Variants in PDE10A observed in about 807,000 individuals in gnomAD.
PDE10A encodes cAMP and cAMP-inhibited cGMP 3',5'-cyclic phosphodiesterase 10A.
PDE10A carries 39 observed loss-of-function variants against 97.7 expected under a neutral mutation model. The observed-to-expected ratio is 0.40, with a 90% CI of 0.31 to 0.52. The LOEUF is 0.52. PDE10A is among the 20% of genes least tolerant of loss of function. PDE10A has a pLI of 0.56. For synonymous variants in PDE10A, 371 were observed against 376.8 expected, an observed-to-expected ratio of 0.98 and a Z score of 0.18; for missense variants, 731 against 1,047.8, an observed-to-expected ratio of 0.70 and a Z score of 4.17.
At chr6:165,346,544 G>A (rs888266521) in intron 18 of PDE10A, among the ~76,000 whole-genome samples, 16 of 152,124 alleles carry the variant, frequency 1.1e-4, no homozygotes, top group Non-Finnish European at 1.9e-4. Flanking sequence ...TCTCCGCAGC[G>A]TGCATGTTTG....
chr6:165,366,765 G>C (rs916875154), intron 18 of PDE10A, among the ~76,000 whole-genome samples: 10 of 152,128 alleles, frequency 6.6e-5, no homozygotes, highest in Non-Finnish European at 2.9e-5. Context: ...ACAAATCCCT[G>C]ACAGAGTACA....
At chr6:165,641,181 C>A (rs898393636) in intron 1 of PDE10A, among the ~76,000 whole-genome samples, 46 of 151,750 alleles carry the variant, frequency 3.0e-4, no homozygotes, top group African/African-American at 1.1e-3. Context: ...TGACTGACGC[C>A]CAGAGGTCAA....
intron 1 of PDE10A, among the ~76,000 whole-genome samples, chr6:165,870,155 G>C (rs1385883044): frequency 6.6e-6 from 1 of 152,100 alleles, no homozygotes; most frequent in East Asian, 1.9e-4. Context: ...AGAGTGAAGA[G>C]AGACAATCTT....
At chr6:165,489,585 C>T (rs1380831548) in intron 2 of PDE10A, among the ~76,000 whole-genome samples, 4 of 152,152 alleles carry the variant, frequency 2.6e-5, no homozygotes, top group African/African-American at 9.7e-5. Flanking sequence ...AGCAATGGAT[C>T]TAAACCAAGA....
intron 17 of PDE10A, among the ~76,000 whole-genome samples, chr6:165,380,718 G>C (rs1784878084): frequency 6.6e-6 from 1 of 152,294 alleles, no homozygotes; most frequent in East Asian, 1.9e-4. Flanking sequence ...GTGACTGATG[G>C]GGACAACGGG....
In PDE10A at chr6:165,408,025, C is replaced by G. The variant is rs144274717; in HGVS notation, c.2076+5476G>C. Among the ~76,000 whole-genome samples the G allele has an allele frequency of 2.1e-3, 326 of 152,246 alleles. 1 individual carries two copies. The highest frequency in any genetic ancestry group is 7.5e-3 in the African/African-American group (311 of 41,550). ...AATAAGCATTAACATGGCCTATGTG[C>G]CCTGCTTCTTAGATAGGCTCTTAAT... On this transcript the variant is annotated intron_variant, in intron 13 of 21. Coordinates refer to ENST00000539869, the MANE Select transcript of PDE10A (RefSeq NM_001385079.1).
At chr6:165,607,313 G>A (rs1260550019) in intron 1 of PDE10A, among the ~76,000 whole-genome samples, 1 of 152,166 alleles carries the variant, frequency 6.6e-6, no homozygotes, top group African/African-American at 2.4e-5. Flanking sequence ...TATATGAGAT[G>A]GTCCCATAAT....
At chr6:165,925,065 T>C (rs1782892149) in intron 1 of PDE10A, among the ~76,000 whole-genome samples, 2 of 152,070 alleles carry the variant, frequency 1.3e-5, no homozygotes, top group Non-Finnish European at 2.9e-5. Flanking sequence ...CAAAATTTAA[T>C]AGGAAAAATG....
chr6:165,618,974 G>GTAGACTAGTGTAGTA (rs1554296490), intron 1 of PDE10A, among the ~76,000 whole-genome samples: 2 of 118,572 alleles, frequency 1.7e-5, no homozygotes, highest in Non-Finnish European at 3.3e-5. Context: ...CTAGTGTAGT[G>GTAGACTAGTGTAGTA]TAGTCTAGTG....
At chr6:165,987,131 G>A (rs576256032) in intron 1 of PDE10A, among the ~76,000 whole-genome samples, 1 of 152,152 alleles carries the variant, frequency 6.6e-6, no homozygotes, top group Non-Finnish European at 1.5e-5. Flanking sequence ...GGCACCTGCG[G>A]GTCTGGCGCG....
chr6:165,674,330 G>GA (rs34849813), intron 1 of PDE10A, among the ~76,000 whole-genome samples: 151 of 141,378 alleles, frequency 1.1e-3, no homozygotes, highest in African/African-American at 2.0e-3. Context: ...AGCAGGAAAA[G>GA]AAAAAAAAAA....
chr6:165,681,074 A>G (rs533114012), intron 1 of PDE10A, among the ~76,000 whole-genome samples: 7 of 152,356 alleles, frequency 4.6e-5, no homozygotes, highest in African/African-American at 1.4e-4. Flanking sequence ...GAAAGTATGT[A>G]TAGGAGACTG....
At chr6:165,334,388 C>T (rs1781522021) in intron 21 of PDE10A, among the ~76,000 whole-genome samples, 1 of 151,082 alleles carries the variant, frequency 6.6e-6, no homozygotes, top group South Asian at 2.1e-4. Flanking sequence ...CAGCGCCGGG[C>T]ACGCGCCTCC....
intron 13 of PDE10A, among the ~76,000 whole-genome samples, chr6:165,403,116 C>A (rs761412098): frequency 6.6e-6 from 1 of 152,114 alleles, no homozygotes; most frequent in Non-Finnish European, 1.5e-5. Flanking sequence ...AAGAATGTAA[C>A]GTTCAATGGA....
chr6:165,744,186 G>A (rs1368512486), intron 1 of PDE10A, among the ~76,000 whole-genome samples: 2 of 152,104 alleles, frequency 1.3e-5, no homozygotes, highest in African/African-American at 2.4e-5. Context: ...TTTTTATAAG[G>A]ACAATTGTCT....
intron 15 of PDE10A, among the ~76,000 whole-genome samples, chr6:165,393,039 C>T (rs893181637): frequency 2.0e-5 from 3 of 152,092 alleles, no homozygotes; most frequent in Non-Finnish European, 4.4e-5. Flanking sequence ...CAGTAACTGT[C>T]CCACCAGCGA....
At chr6:165,844,704 C>T (rs1166799943) in intron 1 of PDE10A, among the ~76,000 whole-genome samples, 2 of 152,084 alleles carry the variant, frequency 1.3e-5, no homozygotes, top group Non-Finnish European at 1.5e-5. Flanking sequence ...CTATTTTTCC[C>T]GATGCTTATT....
rs891443384 is a variant in PDE10A at position 165,900,146 on chromosome 6, G to A, written c.-615+87383C>T. Reference sequence around the variant, plus strand: ...GATGTGCTCTCTGTCCTAGAGACACGTGGAGGTCTGTCCAGTCAGATCATT... The same window carrying A: ...GATGTGCTCTCTGTCCTAGAGACACATGGAGGTCTGTCCAGTCAGATCATT... On this transcript the variant is annotated intron_variant, in intron 1 of 19. Coordinates refer to the PDE10A transcript ENST00000366882. Among the ~76,000 whole-genome samples the A allele has an allele frequency of 4.6e-5, 7 of 152,192 alleles. No individual in the cohort carries two copies. The East Asian group carries it at 5.8e-4, about 13-fold the overall frequency.
At chr6:165,740,537 G>T (rs1044428039) in intron 1 of PDE10A, among the ~76,000 whole-genome samples, 2 of 152,122 alleles carry the variant, frequency 1.3e-5, no homozygotes, top group Admixed American at 1.3e-4. Flanking sequence ...TTTTCACTGT[G>T]TTAGCGAGGA....
Sources: allele counts gnomAD v4.1 joint callset (sites outside exome capture counted in the v4.1 genomes callset), GRCh38; gene constraint gnomAD v4.1.1; transcripts MANE v1.5; gene names NCBI Gene and HGNC (gene_info 2026-07-23, HGNC 2026-07-21).